KSR2: variants seen among roughly 807,000 people sequenced by gnomAD.
KSR2 encodes the protein kinase suppressor of ras 2.
In KSR2, 25 loss-of-function variants were observed where a neutral mutation model predicts 107.8. The ratio of observed to expected loss-of-function variants is 0.23; its 90% CI spans 0.17 to 0.32. The LOEUF (loss-of-function observed/expected upper bound fraction) is 0.32, where lower values mean the gene tolerates loss of function less well. Among genes scored for constraint, KSR2 ranks in the 10% least tolerant of loss-of-function variants. The pLI is 1.00. For synonymous variants in KSR2, 480 were observed against 507.0 expected (o/e 0.95, Z 0.71); for missense variants, 887 against 1,268.9 (o/e 0.70, Z 4.57).
chr12:117,966,623 G>GCA (rs71099095), intron 1 of KSR2, among the ~76,000 whole-genome samples: 17,525 of 142,938 alleles, frequency 0.12, 1,510 homozygotes, highest in African/African-American at 0.24. Context: ...ACACGCGCAC[G>GCA]CACACACACA....
In KSR2 at chr12:117,582,331, C is replaced by A. The variant is rs56376229; in HGVS notation, c.1200G>T (p.Pro400=). 3.7e-6 allele frequency: 6 copies of A among 1,613,596 alleles called. No homozygotes were observed. The highest frequency in any genetic ancestry group is 3.3e-5 in the Admixed American group (2 of 60,004). ...TGCCGAGATCTCTGCGAGGGATCTG[C>A]GGGGACCAGCGTGGCACTGACAGTG... ...ANTLSVPRWS[P]QIPRRDLGNS... Residue 400 remains proline, a synonymous_variant, in exon 6 of 20, where the codon CCG becomes CCT. Coordinates refer to ENST00000339824, the MANE Select transcript of KSR2 (RefSeq NM_173598.6).
At chr12:117,505,253 G>A (rs1983336) in intron 14 of KSR2, among the ~76,000 whole-genome samples, 47,275 of 152,012 alleles carry the variant, frequency 0.31, 8,723 homozygotes, top group South Asian at 0.53. Context: ...CCTCACCAAC[G>A]TGGAAGCTAT....
intron 4 of KSR2, chr12:117,677,058 GC>G (rs1444473056): frequency 6.6e-6 from 1 of 152,220 alleles, no homozygotes; most frequent in Non-Finnish European, 1.5e-5. Flanking sequence ...GAAGCAGGAA[GC>G]CTTCCTTGAA....
chr12:117,950,443 T>A (rs1199040586), intron 1 of KSR2, among the ~76,000 whole-genome samples: 1 of 152,046 alleles, frequency 6.6e-6, no homozygotes. Context: ...AAATCTTACA[T>A]AAATGTTGAG....
At chr12:117,594,074 A>G (rs1880492755) in intron 5 of KSR2, among the ~76,000 whole-genome samples, 1 of 152,202 alleles carries the variant, frequency 6.6e-6, no homozygotes, top group Non-Finnish European at 1.5e-5. Flanking sequence ...TATGGATCTT[A>G]AATCAGAGCC....
intron 2 of KSR2, among the ~76,000 whole-genome samples, chr12:117,858,895 A>G (rs1893187712): frequency 6.6e-6 from 1 of 151,956 alleles, no homozygotes. Flanking sequence ...TAAGTGCAAA[A>G]CCCTTTGCAC....
intron 3 of KSR2, among the ~76,000 whole-genome samples, chr12:117,796,123 G>A (rs1317189382): frequency 6.6e-6 from 1 of 151,956 alleles, no homozygotes; most frequent in Admixed American, 6.6e-5. Context: ...AGATGGGGGA[G>A]TCTCACTAGC....
chr12:117,778,408 G>A (rs532033489), intron 3 of KSR2, among the ~76,000 whole-genome samples: 1 of 152,164 alleles, frequency 6.6e-6, no homozygotes, highest in Non-Finnish European at 1.5e-5. Context: ...TCCTTGAACA[G>A]TCATAAATTA....
intron 3 of KSR2, among the ~76,000 whole-genome samples, chr12:117,855,012 A>T (rs1170758430): frequency 2.0e-5 from 3 of 152,156 alleles, no homozygotes; most frequent in Non-Finnish European, 4.4e-5. Flanking sequence ...ATTTTTTTAA[A>T]ATCTATTTTC....
chr12:117,780,631 C>T (rs1889850387), intron 3 of KSR2, among the ~76,000 whole-genome samples: 1 of 152,146 alleles, frequency 6.6e-6, no homozygotes, highest in South Asian at 2.1e-4. Flanking sequence ...GATGATTATA[C>T]AACCTTGTGA....
Position 117,968,249 on chromosome 12 carries a change from C to T in KSR2, c.7G>A (p.Glu3Lys), listed in dbSNP as rs749462855. The change falls in exon 1 of 20, where the codon GAG becomes AAG. Residue 3 changes from glutamate (E) to lysine (K), a missense_variant. By Grantham distance (56) the Glu-to-Lys change is moderately conservative (BLOSUM62 1). Around this residue, in one of 8 missense-constraint regions of KSR2, gnomAD observed 32 missense variants for 25.9 expected, o/e 1.23. Transcript: ENST00000339824. ...TCCTCGCTTTTCGTCATGTTTTCCT[C>T]ATCCATCGCTTGCTCTGCAACCCCC... The part of the protein sequence containing the change: MD[E>K]ENMTKSEEQQ... 9 of 1,529,492 alleles carry T rather than the reference C, an allele frequency of 5.9e-6. No homozygotes were observed. The African/African-American group carries it at 9.9e-5, about 17-fold the overall frequency. The allele number at this position is 1,529,492 out of a possible 1,614,324, so 94.7% of individuals were successfully genotyped here.
chr12:117,468,663 CT>C (rs1319339727), intron 19 of KSR2, among the ~76,000 whole-genome samples: 1 of 152,126 alleles, frequency 6.6e-6, no homozygotes, highest in East Asian at 1.9e-4. Flanking sequence ...GTGGGTACTG[CT>C]TGTCTTTAGA....
At chr12:117,869,773 A>G (rs1439647096) in intron 1 of KSR2, among the ~76,000 whole-genome samples, 1 of 152,176 alleles carries the variant, frequency 6.6e-6, no homozygotes, top group Non-Finnish European at 1.5e-5. Context: ...CAGTTCTGTG[A>G]TGTCTGCTGG....
At chr12:117,711,862 G>C (rs1292786847) in intron 4 of KSR2, among the ~76,000 whole-genome samples, 1 of 152,188 alleles carries the variant, frequency 6.6e-6, no homozygotes, top group Non-Finnish European at 1.5e-5. Context: ...TCTGTGGTTG[G>C]GTTGTGCCAT....
chr12:117,588,437 C>A (rs552473234), intron 5 of KSR2, among the ~76,000 whole-genome samples: 3 of 152,208 alleles, frequency 2.0e-5, no homozygotes, highest in South Asian at 2.1e-4. Context: ...AGGCTGGGAG[C>A]TTTTGGGGTT....
intron 5 of KSR2, among the ~76,000 whole-genome samples, chr12:117,584,981 C>G (rs1879902716): frequency 6.6e-6 from 1 of 152,224 alleles, no homozygotes; most frequent in African/African-American, 2.4e-5. Context: ...CCGTTCTCAA[C>G]CAGAGGAGTG....
At chr12:117,862,931 G>A (rs918481387) in intron 1 of KSR2, among the ~76,000 whole-genome samples, 6 of 151,932 alleles carry the variant, frequency 3.9e-5, no homozygotes, top group South Asian at 2.1e-4. Flanking sequence ...GGGTTTCACC[G>A]TGTTAGCCAG....
chr12:117,632,569 T>C (rs1420404102), intron 5 of KSR2, among the ~76,000 whole-genome samples: 1 of 152,114 alleles, frequency 6.6e-6, no homozygotes, highest in Non-Finnish European at 1.5e-5. Flanking sequence ...CAGGGGTACA[T>C]GTGCAGGTTT....
At chr12:117,759,909 A>G (rs566123639) in intron 4 of KSR2, among the ~76,000 whole-genome samples, 3 of 152,200 alleles carry the variant, frequency 2.0e-5, no homozygotes, top group Non-Finnish European at 2.9e-5. Flanking sequence ...GAAGTTCAAG[A>G]CCAGTCTGGT....
Sources: allele counts gnomAD v4.1 joint callset (sites outside exome capture counted in the v4.1 genomes callset), GRCh38; gene constraint gnomAD v4.1.1; regional missense constraint gnomAD v4.1.1; transcripts MANE v1.5; gene names NCBI Gene and HGNC (gene_info 2026-07-23, HGNC 2026-07-21).